GAD1: variants seen among roughly 807,000 people sequenced by gnomAD.
GAD1 encodes the protein glutamate decarboxylase 1.
In GAD1, 35 loss-of-function variants were observed where a neutral mutation model predicts 75.2. That is an observed-to-expected ratio of 0.47 (90% CI 0.36 to 0.62). The LOEUF is 0.62. Among genes scored for constraint, GAD1 ranks in the 20% least tolerant of loss-of-function variants. The pLI, the probability that GAD1 is intolerant of heterozygous loss-of-function variation, is 0.00. For missense variants in GAD1, 490 were observed against 758.5 expected, an observed-to-expected ratio of 0.65 and a Z score of 4.16; for synonymous variants, 257 against 271.9, an observed-to-expected ratio of 0.95 and a Z score of 0.54.
chr2:170,841,355 GAGA>G (rs1453179054), intron 6 of GAD1, among the ~76,000 whole-genome samples: 2 of 152,214 alleles, frequency 1.3e-5, no homozygotes, highest in East Asian at 1.9e-4. Context: ...TTTACTTGGA[GAGA>G]AGGACTACAG....
upstream of GAD1, among the ~76,000 whole-genome samples, chr2:170,814,933 G>A (rs1701668263): frequency 6.6e-6 from 1 of 152,172 alleles, no homozygotes; most frequent in South Asian, 2.1e-4. Context: ...CCTTTCCAGG[G>A]AATCACGGGT....
chr2:170,829,443 G>T (rs1702162966), intron 3 of GAD1, 32 bp from the exon 4 acceptor site: 2 of 1,611,454 alleles, frequency 1.2e-6, no homozygotes, highest in Non-Finnish European at 8.5e-7. Flanking sequence ...GCAGTTTGCA[G>T]CACTCTCTCT....
chr2:170,820,164 G>T lies in GAD1; in HGVS notation c.82+1491G>T, dbSNP rs1701829486. Among the ~76,000 whole-genome samples, 3 of 152,024 alleles carry T rather than the reference G, an allele frequency of 2.0e-5. No individual in the cohort carries two copies. The South Asian group carries it at 6.2e-4, about 32-fold the overall frequency. ...TCCACATTTCCCGCTCCCTTTTGCC[G>T]CCTGGGGGTGGGGGTGGGGGGTTAG... On this transcript the variant is annotated intron_variant, in intron 2 of 16. Coordinates refer to ENST00000358196, the MANE Select transcript of GAD1 (RefSeq NM_000817.3).
At chr2:170,833,210 G>A (rs3791858) in intron 5 of GAD1, among the ~76,000 whole-genome samples, 1 of 152,098 alleles carries the variant, frequency 6.6e-6, no homozygotes, top group Admixed American at 6.5e-5. Flanking sequence ...AAGACTATTG[G>A]ATGTCAAAAA....
At chr2:170,858,752 T>C in intron 15 of GAD1, 52 bp from the exon 16 acceptor site, 2 of 1,557,048 alleles carry the variant, frequency 1.3e-6, no homozygotes, top group South Asian at 1.1e-5. Context: ...TGGGAACAGC[T>C]TTCTCTCAAG....
intron 14 of GAD1, among the ~76,000 whole-genome samples, chr2:170,854,398 T>TC (rs1491361281): frequency 5.6e-5 from 6 of 106,280 alleles, no homozygotes; most frequent in African/African-American, 2.5e-4. Context: ...CCTTGAATTC[T>TC]TTTTTTTTTT....
chr2:170,816,674 T>A (rs943647204), upstream of GAD1: 1 of 152,250 alleles, frequency 6.6e-6, no homozygotes, highest in African/African-American at 2.4e-5. Context: ...AAGACCTTTT[T>A]TTTTTCCTTC....
At position 170,847,852 on chromosome 2, in the gene GAD1, A is replaced by C. The variant is rs1029698428; in HGVS notation, c.1119+60A>C. 3 of 1,122,708 alleles carry C rather than the reference A, an allele frequency of 2.7e-6. No individual in the cohort carries two copies. The African/African-American group carries it at 4.6e-5, about 17-fold the overall frequency. 69.5% of individuals were successfully genotyped at this position (1,122,708 alleles called of 1,614,324 possible). A position where few individuals can be genotyped will look rare whatever the true frequency, so the allele number is the denominator to read the frequency against. ...GGGGTGGAGGCACCTCTTTTTTATG[A>C]CTTGCCTCAAGCTTCTCCCCACGCC... is the stretch of plus-strand genomic sequence containing the variant. On this transcript the variant is annotated intron_variant, in intron 11 of 16. Coordinates refer to ENST00000358196, the MANE Select transcript of GAD1 (RefSeq NM_000817.3).
At chr2:170,845,374 G>A in intron 7 of GAD1, 132 bp from the exon 8 acceptor site, 1 of 806,504 alleles carries the variant, frequency 1.2e-6, no homozygotes, top group Non-Finnish European at 2.1e-6. Context: ...AGGGAAGCCA[G>A]CAAAACCTAT....
chr2:170,850,011 C>G (rs1161040773), intron 12 of GAD1, among the ~76,000 whole-genome samples: 1 of 152,244 alleles, frequency 6.6e-6, no homozygotes, highest in Non-Finnish European at 1.5e-5. Context: ...TGACCCATAA[C>G]AAAGTCACAA....
intron 14 of GAD1, among the ~76,000 whole-genome samples, chr2:170,856,337 C>T (rs1021284584): frequency 2.0e-5 from 3 of 152,196 alleles, no homozygotes; most frequent in Non-Finnish European, 4.4e-5. Flanking sequence ...AGACCAATGG[C>T]TTCCCCATCT....
At chr2:170,823,789 C>T (rs1701955567) in intron 3 of GAD1, among the ~76,000 whole-genome samples, 1 of 151,874 alleles carries the variant, frequency 6.6e-6, no homozygotes, top group African/African-American at 2.4e-5. Context: ...CTGAGCGAGC[C>T]CTGGGCAGCC....
chr2:170,845,268 C>T (rs527508109), intron 7 of GAD1: 39 of 579,626 alleles, frequency 6.7e-5, no homozygotes, highest in Admixed American at 3.7e-4. Flanking sequence ...CTGAAGTACA[C>T]GAATCACCTC....
At chr2:170,857,262 C>A (rs1048708765) in intron 15 of GAD1, 137 bp downstream of exon 15, 3 of 660,712 alleles carry the variant, frequency 4.5e-6, no homozygotes, top group Non-Finnish European at 8.1e-6. Flanking sequence ...CTTATACACT[C>A]TTAATTCCTC....
At chr2:170,859,651 TA>T (rs1559288522) in intron 16 of GAD1, 57 bp from the exon 17 acceptor site, 2 of 1,557,198 alleles carry the variant, frequency 1.3e-6, no homozygotes, top group Non-Finnish European at 1.8e-6. Context: ...GTTGAATTGT[TA>T]AAAAGAGAGG....
At chr2:170,822,785 T>G (rs188124818) in intron 3 of GAD1, among the ~76,000 whole-genome samples, 2 of 152,182 alleles carry the variant, frequency 1.3e-5, no homozygotes, top group Admixed American at 6.5e-5. Context: ...GAGCCCTCCA[T>G]GGCCTGCCTG....
chr2:170,855,209 CTTTTT>C (rs536241751), intron 14 of GAD1, among the ~76,000 whole-genome samples: 98 of 129,270 alleles, frequency 7.6e-4, no homozygotes, highest in African/African-American at 2.5e-3. Flanking sequence ...GTCATTTTGT[CTTTTT>C]TTTTTTTTTT....
In GAD1 at chr2:170,853,207, A is replaced by G. The variant is rs1216552124; in HGVS notation, c.1263+415A>G. 4.5e-5 allele frequency: 11 copies of G among 244,530 alleles called. No individual in the cohort carries two copies. Among genetic ancestry groups the G allele is most frequent in the Non-Finnish European group, 5.6e-5 (7 of 124,116 alleles). 15.1% of individuals were successfully genotyped at this position (244,530 alleles called of 1,614,324 possible). ...CAAGAACTGAAATAAATGAGACAGA[A>G]CAACAACTACAAATATCAACTTAGG... is the stretch of plus-strand genomic sequence containing the variant. On this transcript the variant is annotated intron_variant, in intron 13 of 16. Coordinates refer to ENST00000358196, the MANE Select transcript of GAD1 (RefSeq NM_000817.3). This position sits in a 1 kb window ranked among gnomAD's most constrained non-coding sequence, Gnocchi z 4.1.
chr2:170,834,590 T>C (rs1046702547), intron 5 of GAD1, among the ~76,000 whole-genome samples: 4 of 152,190 alleles, frequency 2.6e-5, no homozygotes, highest in African/African-American at 7.2e-5. Flanking sequence ...TTTTAAAACT[T>C]TTTCTTATGG....
Sources: allele counts gnomAD v4.1 joint callset (sites outside exome capture counted in the v4.1 genomes callset), GRCh38; gene constraint gnomAD v4.1.1; non-coding constraint Gnocchi (gnomAD v3.1); transcripts MANE v1.5; gene names NCBI Gene and HGNC (gene_info 2026-07-23, HGNC 2026-07-21).